The following UACA variants were observed in gnomAD, a reference collection of about 807,000 sequenced individuals.
UACA encodes uveal autoantigen with coiled-coil domains and ankyrin repeats.
Under a neutral mutation model 160.5 loss-of-function variants are expected in UACA, and 112 were observed. That is an observed-to-expected ratio of 0.70 (90% confidence interval 0.60 to 0.82). The LOEUF (loss-of-function observed/expected upper bound fraction) is 0.82, where lower values mean the gene tolerates loss of function less well. Among genes scored for constraint, UACA ranks in the 40% least tolerant of loss-of-function variants. The pLI is 0.00. For synonymous variants in UACA, 557 were observed against 568.4 expected, an observed-to-expected ratio of 0.98 and a Z score of 0.29; for missense variants, 1,574 against 1,614.6, an observed-to-expected ratio of 0.97 and a Z score of 0.43.
rs543905731 is a variant in UACA, at chr15:70,700,864, A to G, written c.79-1204T>C. On this transcript the variant is annotated intron_variant, in intron 1 of 18. Transcript: ENST00000322954. ...TCACTTAACTTACAAAATGAATCCTATGGCCACAAATACCCTAACAAATCT... is the reference window on the plus strand; with the variant it reads ...TCACTTAACTTACAAAATGAATCCTGTGGCCACAAATACCCTAACAAATCT... Among the ~76,000 whole-genome samples, 69 of 152,208 alleles carry G rather than the reference A, an allele frequency of 4.5e-4. 1 individual carries two copies. In the South Asian group the frequency reaches 0.012, roughly 26 times the overall value.
At chr15:70,716,463 G>A (rs1356317203) in intron 1 of UACA, among the ~76,000 whole-genome samples, 2 of 152,122 alleles carry the variant, frequency 1.3e-5, no homozygotes, top group African/African-American at 4.8e-5. Context: ...GTTGTTATAA[G>A]CCACTAAATT....
intron 1 of UACA, among the ~76,000 whole-genome samples, chr15:70,704,574 G>T (rs1340406394): frequency 6.6e-6 from 1 of 152,108 alleles, no homozygotes; most frequent in Non-Finnish European, 1.5e-5. Context: ...TATACTAGTA[G>T]GATAATTTAT....
chr15:70,670,209 C>A (rs1272036310), intron 15 of UACA, among the ~76,000 whole-genome samples: 6 of 152,110 alleles, frequency 3.9e-5, no homozygotes, highest in Admixed American at 1.3e-4. Context: ...GATGTATGAC[C>A]TTCTTCAGGG....
At chr15:70,770,662 G>C in the UACA span, among the ~76,000 whole-genome samples, 2 of 152,224 alleles carry the variant, frequency 1.3e-5, no homozygotes, top group South Asian at 4.1e-4. Context: ...ACCCTCCCTG[G>C]ACCTAAACAA....
chr15:70,684,962 C>G (rs1897658243), intron 7 of UACA, among the ~76,000 whole-genome samples: 1 of 152,090 alleles, frequency 6.6e-6, no homozygotes, highest in Admixed American at 6.6e-5. Flanking sequence ...TTTTCCACAA[C>G]TGATACTGTC....
intron 5 of UACA, among the ~76,000 whole-genome samples, chr15:70,688,329 G>A (rs891475675): frequency 6.6e-6 from 1 of 152,024 alleles, no homozygotes; most frequent in Non-Finnish European, 1.5e-5. Flanking sequence ...ATCACATTAT[G>A]CTTCTTTGAC....
At chr15:70,762,199 T>C (rs1228773641) in intron 1 of UACA, among the ~76,000 whole-genome samples, 1 of 151,904 alleles carries the variant, frequency 6.6e-6, no homozygotes, top group Non-Finnish European at 1.5e-5. Context: ...CTCCACAATT[T>C]CCTTTATGTC....
At position 70,656,476 on chromosome 15, in the gene UACA, A is replaced by C. The variant is rs1012242924; in HGVS notation, c.*580T>G. Reference sequence around the variant, plus strand: ...GCACTGCAAACCATTTATGAAAATAAATTTATTTTAAAAGGCATAAAAGTT... The same window carrying C: ...GCACTGCAAACCATTTATGAAAATACATTTATTTTAAAAGGCATAAAAGTT... On this transcript the variant is annotated 3_prime_UTR_variant, in exon 19 of 19. Transcript: ENST00000322954. The C allele has an allele frequency of 1.3e-5, 2 of 152,214 alleles. No homozygotes were observed. The highest frequency in any genetic ancestry group is 2.9e-5 in the Non-Finnish European group (2 of 68,042). 9.4% of individuals were successfully genotyped at this position (152,214 alleles called of 1,614,324 possible). A position where few individuals can be genotyped will look rare whatever the true frequency, so the allele number is the denominator to read the frequency against.
rs142130876 is a variant in UACA at position 70,727,942 on chromosome 15, G to C, written c.79-28282C>G. 3.1e-4 allele frequency among the ~76,000 whole-genome samples: 47 copies of C among 152,198 alleles called. 1 individual carries two copies. Among genetic ancestry groups the C allele is most frequent in the African/African-American group, 1.1e-3 (45 of 41,532 alleles). ...TCACAGAGCAGCTCAAAGTGTAGTA[G>C]ACAAACCGTTTTCATCAAAATAACC... On this transcript the variant is annotated intron_variant, in intron 1 of 18. Coordinates refer to ENST00000322954, the MANE Select transcript of UACA (RefSeq NM_018003.4).
chr15:70,656,888 A>C lies in UACA; in HGVS notation c.*168T>G. 2.0e-6 allele frequency: 1 copy of C among 494,408 alleles called. No individual in the cohort carries two copies. Among genetic ancestry groups the C allele is most frequent in the Non-Finnish European group, 3.6e-6 (1 of 278,810 alleles). 30.6% of individuals were successfully genotyped at this position (494,408 alleles called of 1,614,324 possible). A position where few individuals can be genotyped will look rare whatever the true frequency, so the allele number is the denominator to read the frequency against. ...GAAAATAAGATTCAAACTGATATTG[A>C]AAAAGACTAACATATTCATCTAATT... On this transcript the variant is annotated 3_prime_UTR_variant, in exon 19 of 19. Coordinates refer to ENST00000322954, the MANE Select transcript of UACA (RefSeq NM_018003.4).
intron 1 of UACA, among the ~76,000 whole-genome samples, chr15:70,762,382 G>C (rs549005951): frequency 6.2e-4 from 95 of 152,282 alleles, no homozygotes; most frequent in African/African-American, 2.1e-3. Flanking sequence ...TGTGCAGTTG[G>C]AGCATAACAA....
intron 1 of UACA, among the ~76,000 whole-genome samples, chr15:70,760,634 C>G (rs1026556413): frequency 6.6e-6 from 1 of 151,942 alleles, no homozygotes; most frequent in African/African-American, 2.4e-5. Flanking sequence ...TGGTGAAACC[C>G]TGTCTCTACT....
At chr15:70,680,644 T>C (rs1033168297) in intron 9 of UACA, among the ~76,000 whole-genome samples, 3 of 152,218 alleles carry the variant, frequency 2.0e-5, no homozygotes, top group African/African-American at 4.8e-5. Context: ...CACCTGATCA[T>C]ACCACTTTCA....
chr15:70,724,773 A>G (rs1426568811), intron 1 of UACA, among the ~76,000 whole-genome samples: 1 of 152,080 alleles, frequency 6.6e-6, no homozygotes, highest in African/African-American at 2.4e-5. Flanking sequence ...TTTCATCCCA[A>G]ATGGCTTTGT....
chr15:70,666,764 A>G lies in UACA; in HGVS notation c.3920T>C (p.Ile1307Thr), dbSNP rs1566962576. The change falls in exon 16 of 19, where the codon ATA (isoleucine) becomes ACA (threonine). Residue 1307 changes from isoleucine to threonine, a missense_variant. Physicochemically the swap from Ile to Thr is moderately conservative, Grantham distance 89. Coordinates refer to ENST00000322954, the MANE Select transcript of UACA (RefSeq NM_018003.4). ...LTTITELQRR[I>T]QESAKQIEAK... ...TTCTATTTGTTTAGCAGATTCTTGT[A>G]TTCTTCTTTGTAACTCTGTGATTGT... 1 of 1,609,412 alleles carries G rather than the reference A, an allele frequency of 6.2e-7. No individual in the cohort carries two copies. The highest frequency in any genetic ancestry group is 8.5e-7 in the Non-Finnish European group (1 of 1,178,910).
intron 18 of UACA, among the ~76,000 whole-genome samples, chr15:70,659,391 G>GTTTTTTTTTTTTTTTTT (rs1375150038): frequency 1.0e-3 from 10 of 9,958 alleles, no homozygotes; most frequent in Non-Finnish European, 1.3e-3. Flanking sequence ...TTCATTTTTT[G>GTTTTTTTTTTTTTTTTT]TTTGTTTTTT....
the UACA span, among the ~76,000 whole-genome samples, chr15:70,772,897 T>C: frequency 6.6e-6 from 1 of 152,110 alleles, no homozygotes; most frequent in Non-Finnish European, 1.5e-5. Context: ...GAGACCAGCC[T>C]GGCCAACATG....
At position 70,669,162 on chromosome 15, in the gene UACA, C is replaced by G; in HGVS notation, c.1522G>C (p.Glu508Gln). 1 of 1,614,058 alleles carries G rather than the reference C, an allele frequency of 6.2e-7. No individual in the cohort carries two copies. Among genetic ancestry groups the G allele is most frequent in the Non-Finnish European group, 8.5e-7 (1 of 1,180,006 alleles). Reference sequence around the variant, plus strand: ...ATTTGTTTAACTTTACCTTCTGACTCATACATCCTCTTCTGCACATCTTTT... The same window carrying G: ...ATTTGTTTAACTTTACCTTCTGACTGATACATCCTCTTCTGCACATCTTTT... ...ALKDVQKRMYESEGKVKQMQT... is the reference protein window; with the variant it reads ...ALKDVQKRMYQSEGKVKQMQT... Residue 508 changes from glutamate (E) to glutamine (Q), a missense_variant, in exon 16 of 19, where the codon GAG becomes CAG. Physicochemically the swap from Glu to Gln is conservative, Grantham distance 29. Coordinates refer to ENST00000322954, the MANE Select transcript of UACA (RefSeq NM_018003.4).
At position 70,668,880 on chromosome 15, in the gene UACA, G is replaced by A. The variant is rs748859067; in HGVS notation, c.1804C>T (p.Arg602Ter). The change falls in exon 16 of 19, where the codon CGA becomes TGA. Residue 602 changes from arginine to a stop codon, truncating the protein, a stop_gained. Coordinates refer to ENST00000322954, the MANE Select transcript of UACA (RefSeq NM_018003.4). LOFTEE classifies it high-confidence loss of function. ...QKELSMCEME[R>*]EKKGRKVTEM... is the part of the protein sequence containing the mutation. ...GTGACCTTTCTTCCTTTCTTCTCTC[G>A]CTCCATTTCACACATACTAAGTTCC... 6.2e-6 allele frequency: 10 copies of A among 1,613,096 alleles called. No homozygotes were observed. The Admixed American group carries it at 6.7e-5, about 11-fold the overall frequency.
Sources: allele counts gnomAD v4.1 joint callset (sites outside exome capture counted in the v4.1 genomes callset), GRCh38; gene constraint gnomAD v4.1.1; transcripts MANE v1.5; gene names NCBI Gene and HGNC (gene_info 2026-07-23, HGNC 2026-07-21).